ZNF724: variants seen among roughly 807,000 people sequenced by gnomAD.
ZNF724 encodes the protein zinc finger protein 724 pseudogene.
In ZNF724, 14 loss-of-function variants were observed where a neutral mutation model predicts 29.3. The ratio of observed to expected loss-of-function variants is 0.48; its 90% CI spans 0.32 to 0.75. The LOEUF is 0.75. Ranked by LOEUF, ZNF724 falls within the 30% of genes least tolerant of loss-of-function variation. The pLI is 0.04. For synonymous variants in ZNF724, 180 were observed against 193.6 expected (o/e 0.93, Z 0.58); for missense variants, 557 against 571.2 (o/e 0.98, Z 0.25).
Position 23,222,085 on chromosome 19 carries a change from A to G in ZNF724, c.*300T>C. The G allele has an allele frequency of 3.2e-6, 1 of 309,846 alleles. No homozygotes were observed. The highest frequency in any genetic ancestry group is 5.9e-6 in the Non-Finnish European group (1 of 169,950). The allele number at this position is 309,846 out of a possible 1,614,324, so 19.2% of individuals were successfully genotyped here. A position where few individuals can be genotyped will look rare whatever the true frequency, so the allele number is the denominator to read the frequency against. On this transcript the variant is annotated 3_prime_UTR_variant, in exon 4 of 4. Coordinates refer to ENST00000418100, the MANE Select transcript of ZNF724 (RefSeq NM_001355404.2). ...GCATAATTTTTCTCAAGTATACATC[A>G]TTTCCTGTCCAATAAAGTGTCAGCA...
chr19:23,247,111 T>C (rs974126176), intron 1 of ZNF724, among the ~76,000 whole-genome samples: 1 of 152,102 alleles, frequency 6.6e-6, no homozygotes, highest in African/African-American at 2.4e-5. Context: ...TAATCCCAGC[T>C]ACTCAGGAGG....
chr19:23,240,717 T>TAAAA (rs34692737), intron 1 of ZNF724, among the ~76,000 whole-genome samples: 20 of 108,710 alleles, frequency 1.8e-4, no homozygotes, highest in African/African-American at 5.2e-4. Flanking sequence ...GGATTCCACC[T>TAAAA]AAAAAAAAAA....
Position 23,231,962 on chromosome 19 carries a change from C to T in ZNF724, c.130+205G>A, listed in dbSNP as rs906371223. 2.6e-5 allele frequency among the ~76,000 whole-genome samples: 4 copies of T among 151,986 alleles called. No homozygotes were observed. In the East Asian group the frequency reaches 7.7e-4, roughly 29 times the overall value. On this transcript the variant is annotated intron_variant, in intron 2 of 3. Coordinates refer to ENST00000418100, the MANE Select transcript of ZNF724 (RefSeq NM_001355404.2). ...ATGTTGGCCAGGCTGGTCTTGAACT[C>T]CTGACCTCAGGTGATCCACCCGCCT...
intron 1 of ZNF724, among the ~76,000 whole-genome samples, chr19:23,233,176 G>T (rs933418996): frequency 6.6e-6 from 1 of 152,064 alleles, no homozygotes; most frequent in African/African-American, 2.4e-5. Context: ...TTTATGCAAA[G>T]TTCAAGATAC....
At chr19:23,230,504 CA>C (rs1472757238) in intron 3 of ZNF724, among the ~76,000 whole-genome samples, 1 of 151,712 alleles carries the variant, frequency 6.6e-6, no homozygotes. Flanking sequence ...AGTATAAAAA[CA>C]GGAAGGAATG....
intron 1 of ZNF724, among the ~76,000 whole-genome samples, chr19:23,239,719 G>A (rs572937078): frequency 6.6e-6 from 1 of 152,200 alleles, no homozygotes; most frequent in South Asian, 2.1e-4. Flanking sequence ...GCTGAGGCAG[G>A]AGAATCCCTT....
intron 1 of ZNF724, among the ~76,000 whole-genome samples, chr19:23,243,489 A>G: frequency 6.9e-6 from 1 of 145,920 alleles, no homozygotes; most frequent in East Asian, 1.9e-4. Context: ...AAAAAAAAAA[A>G]AAAAAAAAAA....
At chr19:23,228,967 G>C (rs1971887690) in intron 3 of ZNF724, among the ~76,000 whole-genome samples, 2 of 152,008 alleles carry the variant, frequency 1.3e-5, no homozygotes, top group African/African-American at 2.4e-5. Context: ...GGGGGCTGAG[G>C]TAGGAGGATC....
At chr19:23,249,025 A>C (rs1972297266) in intron 1 of ZNF724, among the ~76,000 whole-genome samples, 1 of 151,892 alleles carries the variant, frequency 6.6e-6, no homozygotes. Context: ...AAAACTAAGA[A>C]GAAGAAAAGA....
intron 2 of ZNF724, among the ~76,000 whole-genome samples, chr19:23,231,963 C>T (rs2145779580): frequency 6.6e-6 from 1 of 152,126 alleles, no homozygotes; most frequent in East Asian, 1.9e-4. Context: ...TCTTGAACTC[C>T]TGACCTCAGG....
rs886511253 is a variant in ZNF724 at position 23,223,568 on chromosome 19, T to C, written c.677A>G (p.Tyr226Cys). Residue 226 changes from tyrosine to cysteine, a missense_variant, in exon 4 of 4, where the codon TAC becomes TGC. Around this residue, in one of 3 missense-constraint regions of ZNF724, gnomAD observed 362 missense variants for 295.5 expected, o/e 1.22. Transcript: ENST00000418100. ...GGCTATGCCACATTCTTCACATTTG[T>C]AGTGTTTTTGTCCTGTATGAATTCT... ...HKRIHTGQKH[Y>C]KCEECGIAFN... is the part of the protein sequence containing the mutation. 4 of 724,606 alleles carry C rather than the reference T, an allele frequency of 5.5e-6. No homozygotes were observed. Among genetic ancestry groups the C allele is most frequent in the Non-Finnish European group, 1.0e-5 (4 of 390,528 alleles). The allele number at this position is 724,606 out of a possible 1,614,324, so 44.9% of individuals were successfully genotyped here. A position where few individuals can be genotyped will look rare whatever the true frequency, so the allele number is the denominator to read the frequency against.
At position 23,222,823 on chromosome 19, in the gene ZNF724, T is replaced by C; in HGVS notation, c.1422A>G (p.Gly474=). The change falls in exon 4 of 4, where the codon GGA becomes GGG. Residue 474 remains glycine (G), a synonymous_variant. Transcript: ENST00000418100. ...ATTCTTCACATTTGTAGGGTTTCTC[T>C]CCAGTATGAATTATCCTATGTTCAG... ...NLTEHRIIHT[G]EKPYKCEECG... 7.0e-7 allele frequency: 1 copy of C among 1,422,490 alleles called. No homozygotes were observed. Among genetic ancestry groups the C allele is most frequent in the Non-Finnish European group, 9.9e-7 (1 of 1,012,620 alleles). 88.1% of individuals were successfully genotyped at this position (1,422,490 alleles called of 1,614,324 possible).
At chr19:23,237,360 A>C (rs1004975875) in intron 1 of ZNF724, among the ~76,000 whole-genome samples, 3 of 152,186 alleles carry the variant, frequency 2.0e-5, no homozygotes, top group Non-Finnish European at 2.9e-5. Context: ...CTATTGGGTA[A>C]ATTAATATGC....
At chr19:23,235,643 C>T (rs947389210) in intron 1 of ZNF724, among the ~76,000 whole-genome samples, 3 of 151,932 alleles carry the variant, frequency 2.0e-5, no homozygotes, top group South Asian at 2.1e-4. Flanking sequence ...GGGGCCAGAC[C>T]GAAATAAGAA....
chr19:23,228,094 A>C (rs1971871021), intron 3 of ZNF724, among the ~76,000 whole-genome samples: 1 of 152,140 alleles, frequency 6.6e-6, no homozygotes, highest in Admixed American at 6.6e-5. Context: ...TCTTCAGGCC[A>C]AAATTTCAAG....
At chr19:23,248,255 G>C (rs767406144) in intron 1 of ZNF724, among the ~76,000 whole-genome samples, 3 of 152,096 alleles carry the variant, frequency 2.0e-5, no homozygotes, top group Non-Finnish European at 4.4e-5. Flanking sequence ...AATACAGTAT[G>C]AAAAATATAC....
intron 1 of ZNF724, among the ~76,000 whole-genome samples, chr19:23,233,376 T>G (rs1971970908): frequency 6.6e-6 from 1 of 152,224 alleles, no homozygotes. Context: ...CCTGTTTAAA[T>G]AAGCATTTTC....
At chr19:23,243,643 C>T (rs1411510913) in intron 1 of ZNF724, among the ~76,000 whole-genome samples, 2 of 151,794 alleles carry the variant, frequency 1.3e-5, no homozygotes, top group Non-Finnish European at 2.9e-5. Flanking sequence ...CCTGTTTGGG[C>T]CGGGCGCGGT....
At chr19:23,244,403 G>A (rs1972200240) in intron 1 of ZNF724, among the ~76,000 whole-genome samples, 1 of 152,172 alleles carries the variant, frequency 6.6e-6, no homozygotes, top group Non-Finnish European at 1.5e-5. Context: ...ATGATTGTGA[G>A]TCGGTGGGAA....
Sources: gnomAD v4.1 joint callset for allele counts (sites outside exome capture counted in the v4.1 genomes callset) on GRCh38, gnomAD v4.1.1 for gene constraint, gnomAD v4.1.1 regional missense constraint, MANE v1.5 for transcripts, NCBI Gene and HGNC (gene_info 2026-07-23, HGNC 2026-07-21) for gene names.